Variants in ZNF638 observed in about 807,000 individuals in gnomAD.
ZNF638 encodes CTCL tumor antigen se33-1.
In ZNF638, 46 loss-of-function variants were observed where a neutral mutation model predicts 195.6. The observed-to-expected ratio is 0.24, with a 90% CI of 0.19 to 0.30. The LOEUF is 0.30. ZNF638 is among the 10% of genes least tolerant of loss of function. The pLI is 1.00. For synonymous variants in ZNF638, 845 were observed against 772.0 expected, an observed-to-expected ratio of 1.09 and a Z score of -1.57; for missense variants, 2,440 against 2,325.3, an observed-to-expected ratio of 1.05 and a Z score of -1.01.
chr2:71,351,578 T>C (rs141682074), intron 2 of ZNF638, among the ~76,000 whole-genome samples: 16 of 152,324 alleles, frequency 1.1e-4, no homozygotes, highest in Admixed American at 3.3e-4. Flanking sequence ...TTTGAACTTT[T>C]AATTAATCAT....
intron 20 of ZNF638, among the ~76,000 whole-genome samples, chr2:71,408,986 C>CT (rs1244234162): frequency 5.3e-5 from 8 of 152,060 alleles, no homozygotes; most frequent in African/African-American, 1.7e-4. Context: ...AAGTTTTTAG[C>CT]TATTCCTCAG....
chr2:71,368,106 A>C (rs1408617944), intron 6 of ZNF638, among the ~76,000 whole-genome samples: 2 of 152,174 alleles, frequency 1.3e-5, no homozygotes, highest in Non-Finnish European at 2.9e-5. Flanking sequence ...ATAAGATGCT[A>C]TCAACAGAAA....
intron 10 of ZNF638, chr2:71,395,106 G>A (rs1457883386): frequency 1.3e-5 from 8 of 613,096 alleles, no homozygotes; most frequent in East Asian, 5.5e-5. Context: ...ATCCCTAAAC[G>A]CCATAGATCT....
chr2:71,429,282 C>A (rs1395466312), intron 25 of ZNF638, among the ~76,000 whole-genome samples: 1 of 152,142 alleles, frequency 6.6e-6, no homozygotes, highest in African/African-American at 2.4e-5. Flanking sequence ...TCTTTCCTAT[C>A]CTATCTTCTT....
intron 25 of ZNF638, among the ~76,000 whole-genome samples, chr2:71,430,626 A>G (rs73939632): frequency 0.031 from 4,648 of 152,230 alleles, 259 homozygotes; most frequent in African/African-American, 0.11. Context: ...AGAAATAGGG[A>G]TGGGTTAATA....
intron 1 of ZNF638, among the ~76,000 whole-genome samples, chr2:71,335,908 C>A (rs1487431803): frequency 1.3e-5 from 2 of 152,200 alleles, no homozygotes; most frequent in Non-Finnish European, 2.9e-5. Context: ...AACTAATGTT[C>A]ATAATTCATT....
In ZNF638 at chr2:71,395,879, C is replaced by T. The variant is rs116784688; in HGVS notation, c.2378-262C>T. The T allele has an allele frequency of 2.6e-3, 1,392 of 534,320 alleles. 6 individuals carry two copies. Among genetic ancestry groups the T allele is most frequent in the Middle Eastern group, 0.012 (27 of 2,166 alleles). The allele number at this position is 534,320 out of a possible 1,614,324, so 33.1% of individuals were successfully genotyped here. A position where few individuals can be genotyped will look rare whatever the true frequency, so the allele number is the denominator to read the frequency against. ...GGGGAATAATTCCTATGCTTATGTA[C>T]TGTTGATGGGAATATTAATTGGTTC... On this transcript the variant is annotated intron_variant, in intron 10 of 27. Transcript: ENST00000264447.
intron 12 of ZNF638, among the ~76,000 whole-genome samples, chr2:71,399,161 T>C (rs1329755387): frequency 6.6e-6 from 1 of 152,168 alleles, no homozygotes; most frequent in Non-Finnish European, 1.5e-5. Context: ...GAATTCATTT[T>C]TTTTCATAAA....
chr2:71,410,516 C>T (rs1384868797), intron 20 of ZNF638, among the ~76,000 whole-genome samples: 2 of 151,998 alleles, frequency 1.3e-5, no homozygotes, highest in African/African-American at 2.4e-5. Flanking sequence ...TGGCCCTAAA[C>T]TAATATTTAT....
intron 20 of ZNF638, among the ~76,000 whole-genome samples, chr2:71,417,798 G>T (rs2080334090): frequency 6.6e-6 from 1 of 152,182 alleles, no homozygotes; most frequent in Admixed American, 6.5e-5. Flanking sequence ...CTTATCACCA[G>T]ATATCCCAGT....
chr2:71,337,405 G>A (rs375152460), intron 1 of ZNF638, among the ~76,000 whole-genome samples: 29 of 151,958 alleles, frequency 1.9e-4, no homozygotes, highest in South Asian at 8.3e-4. Flanking sequence ...TGAATTTCAC[G>A]TTTATAAAAT....
At chr2:71,383,559 G>GT (rs2079571289) in intron 10 of ZNF638, among the ~76,000 whole-genome samples, 1 of 67,582 alleles carries the variant, frequency 1.5e-5, no homozygotes, top group African/African-American at 4.0e-5. Flanking sequence ...CTTCCTGGGT[G>GT]GTTTTTTTTT....
At chr2:71,411,444 T>G (rs1385830406) in intron 20 of ZNF638, among the ~76,000 whole-genome samples, 1 of 119,676 alleles carries the variant, frequency 8.4e-6, no homozygotes, top group African/African-American at 2.9e-5. Context: ...TTTTTTATTT[T>G]TTTTATTTAT....
At position 71,348,596 on chromosome 2, in the gene ZNF638, T is replaced by G. The variant is rs925799347; in HGVS notation, c.-202-157T>G. Reference sequence around the variant, plus strand: ...AGGAAAGAAAAGAAGAGAAAGTTTTTGGGAAATTTAAATCTTCGTAAGCCC... The same window carrying G: ...AGGAAAGAAAAGAAGAGAAAGTTTTGGGGAAATTTAAATCTTCGTAAGCCC... On this transcript the variant is annotated intron_variant, in intron 1 of 27. Coordinates refer to ENST00000264447, the MANE Select transcript of ZNF638 (RefSeq NM_014497.5). The G allele has an allele frequency of 2.1e-5, 25 of 1,202,808 alleles. No homozygotes were observed. The African/African-American group carries it at 2.5e-4, about 12-fold the overall frequency. 74.5% of individuals were successfully genotyped at this position (1,202,808 alleles called of 1,614,324 possible).
chr2:71,429,616 CT>C (rs1193685039), intron 25 of ZNF638, among the ~76,000 whole-genome samples: 25 of 152,292 alleles, frequency 1.6e-4, no homozygotes, highest in African/African-American at 5.5e-4. Context: ...ATCTTTTCTA[CT>C]TGCTTTTAGA....
chr2:71,423,472 A>T lies in ZNF638; in HGVS notation c.3958A>T (p.Thr1320Ser), dbSNP rs761918477. ...KEEKEFNTKE[T>S]RMDLQIGTEK... is the part of the protein sequence containing the mutation. Reference sequence around the variant, plus strand: ...GGAGAAGGAATTTAATACTAAGGAAACCAGAATGGATCTTCAAATAGGAAC... The same window carrying T: ...GGAGAAGGAATTTAATACTAAGGAATCCAGAATGGATCTTCAAATAGGAAC... The change falls in exon 22 of 28, where the codon ACC (threonine) becomes TCC (serine). Residue 1320 changes from threonine (T) to serine (S), a missense_variant. Coordinates refer to ENST00000264447, the MANE Select transcript of ZNF638 (RefSeq NM_014497.5). 1 of 1,613,452 alleles carries T rather than the reference A, an allele frequency of 6.2e-7. No homozygotes were observed. Among genetic ancestry groups the T allele is most frequent in the African/African-American group, 1.3e-5 (1 of 74,796 alleles).
intron 3 of ZNF638, among the ~76,000 whole-genome samples, chr2:71,362,329 G>A (rs1007505395): frequency 3.9e-5 from 6 of 152,036 alleles, no homozygotes; most frequent in African/African-American, 1.2e-4. Context: ...CTACATGCCT[G>A]ATTTCTAAAT....
Position 71,423,385 on chromosome 2 carries a change from G to T in ZNF638, c.3871G>T (p.Asp1291Tyr), listed in dbSNP as rs1190477433. Residue 1291 changes from aspartate (D) to tyrosine (Y), a missense_variant, in exon 22 of 28, where the codon GAT becomes TAT. Asp to Tyr is a radical substitution (Grantham distance 160). Coordinates refer to ENST00000264447, the MANE Select transcript of ZNF638 (RefSeq NM_014497.5). Reference protein sequence around the residue: ...VTLVPGIPTGDEKTVDKKNIS... With the variant: ...VTLVPGIPTGYEKTVDKKNIS... Reference sequence around the variant, plus strand: ...GTTAGTACCAGGAATTCCCACTGGGGATGAGAAGACAGTGGACAAAAAGAA... The same window carrying T: ...GTTAGTACCAGGAATTCCCACTGGGTATGAGAAGACAGTGGACAAAAAGAA... 1 of 1,613,898 alleles carries T rather than the reference G, an allele frequency of 6.2e-7. No homozygotes were observed. The highest frequency in any genetic ancestry group is 8.5e-7 in the Non-Finnish European group (1 of 1,179,978).
intron 8 of ZNF638, among the ~76,000 whole-genome samples, chr2:71,376,917 A>G (rs2079438629): frequency 6.6e-6 from 1 of 152,298 alleles, no homozygotes; most frequent in African/African-American, 2.4e-5. Context: ...TAATCCGATG[A>G]AAGCAAACAT....
Sources: allele counts gnomAD v4.1 joint callset (sites outside exome capture counted in the v4.1 genomes callset), GRCh38; gene constraint gnomAD v4.1.1; transcripts MANE v1.5; gene names NCBI Gene and HGNC (gene_info 2026-07-23, HGNC 2026-07-21).